MINPP1: variants seen among roughly 807,000 people sequenced by gnomAD.
The protein encoded by MINPP1 is multiple inositol-polyphosphate phosphatase 1, also known as multiple inositol polyphosphate phosphatase 1.
In MINPP1, 28 loss-of-function variants were observed where a neutral mutation model predicts 46.1. The ratio of observed to expected loss-of-function variants is 0.61; its 90% CI spans 0.45 to 0.83. The LOEUF is 0.83. MINPP1 is among the 40% of genes least tolerant of loss of function. The pLI is 0.00. For synonymous variants in MINPP1, 268 were observed against 249.1 expected (o/e 1.08, Z -0.72); for missense variants, 603 against 610.0 (o/e 0.99, Z 0.12).
chr10:87,542,177 G>T (rs1356265226), intron 4 of MINPP1, among the ~76,000 whole-genome samples: 1 of 152,164 alleles, frequency 6.6e-6, no homozygotes, highest in East Asian at 1.9e-4. Flanking sequence ...AGATACAGTG[G>T]TAGTACAGAC....
rs79846133 is a variant in MINPP1 at position 87,514,430 on chromosome 10, A to G, written c.933+1209A>G. On this transcript the variant is annotated intron_variant, in intron 3 of 4. Transcript: ENST00000371996. The stretch of plus-strand genomic sequence containing the variant: ...AGCTGTTTTTTGTTTGCTTTGTTTT[A>G]TAAGATTCAGGATCTAATAAGGGAT... Among the ~76,000 whole-genome samples, 1,423 of 152,228 alleles carry G rather than the reference A, an allele frequency of 9.3e-3. 27 individuals carry two copies. The highest frequency in any genetic ancestry group is 0.032 in the African/African-American group (1,329 of 41,516).
In MINPP1 at chr10:87,508,379, A is replaced by AT. The variant is rs1249046608; in HGVS notation, c.687dup (p.Asp230Ter). ...CAACAGTTAATGATAAACTAATGAGATTTTTTGATCACTGTGAGAAGTTTT... is the reference window on the plus strand; with the variant it reads ...CAACAGTTAATGATAAACTAATGAGATTTTTTTGATCACTGTGAGAAGTTTT... On this transcript the variant is annotated frameshift_variant, in exon 2 of 5. Coordinates refer to ENST00000371996, the MANE Select transcript of MINPP1 (RefSeq NM_004897.5). LOFTEE classifies it high-confidence loss of function. 7.4e-6 allele frequency: 12 copies of AT among 1,613,124 alleles called. No individual in the cohort carries two copies. The highest frequency in any genetic ancestry group is 1.1e-5 in the South Asian group (1 of 90,784).
intron 1 of MINPP1, among the ~76,000 whole-genome samples, chr10:87,506,020 C>CT (rs568866798): frequency 1.3e-3 from 182 of 142,940 alleles, no homozygotes; most frequent in East Asian, 2.0e-3. Context: ...TTCCTTCTTT[C>CT]TTTTTTTTTT....
At chr10:87,537,517 G>C (rs199698171) in intron 4 of MINPP1, among the ~76,000 whole-genome samples, 19,083 of 145,070 alleles carry the variant, frequency 0.13, 1,451 homozygotes, top group South Asian at 0.19. Flanking sequence ...CTGTTTGTGT[G>C]TGTGTGTGTG....
chr10:87,547,379 G>A (rs968648811), intron 4 of MINPP1, among the ~76,000 whole-genome samples: 1 of 151,912 alleles, frequency 6.6e-6, no homozygotes, highest in African/African-American at 2.4e-5. Flanking sequence ...CTAAGTGCTG[G>A]GATTACTTGA....
Position 87,505,670 on chromosome 10 carries a change from C to A in MINPP1, c.637+118C>A. On this transcript the variant is annotated intron_variant, in intron 1 of 4. Coordinates refer to ENST00000371996, the MANE Select transcript of MINPP1 (RefSeq NM_004897.5). The surrounding 1 kb of genome is among the most constrained non-coding windows in gnomAD (Gnocchi z 4.4). ...CCCCCAGTTCTCTTTCCTCTTTTCC[C>A]AAGCCATCATCCCTCGGGCTACGTC... 2.1e-6 allele frequency: 2 copies of A among 960,726 alleles called. No individual in the cohort carries two copies. Among genetic ancestry groups the A allele is most frequent in the Non-Finnish European group, 1.5e-6 (1 of 650,792 alleles). The allele number at this position is 960,726 out of a possible 1,614,324, so 59.5% of individuals were successfully genotyped here. A position where few individuals can be genotyped will look rare whatever the true frequency, so the allele number is the denominator to read the frequency against.
At chr10:87,513,043 C>A in intron 2 of MINPP1, 81 bp from the exon 3 acceptor site, 1 of 941,762 alleles carries the variant, frequency 1.1e-6, no homozygotes, top group Non-Finnish European at 1.8e-6. Context: ...CTGTACCACA[C>A]ATGGCATTCT....
intron 3 of MINPP1, 38 bp downstream of exon 3, chr10:87,513,259 A>C (rs1851362239): frequency 6.4e-7 from 1 of 1,557,018 alleles, no homozygotes; most frequent in Non-Finnish European, 8.8e-7. Context: ...CTTTTTTAAA[A>C]AAATTTTTTT....
At chr10:87,551,027 C>T (rs1486463652) in intron 4 of MINPP1, among the ~76,000 whole-genome samples, 1 of 152,204 alleles carries the variant, frequency 6.6e-6, no homozygotes, top group African/African-American at 2.4e-5. Context: ...TGCTCAGATG[C>T]TCTGTGGCTT....
chr10:87,522,248 A>G (rs973002501), intron 4 of MINPP1, among the ~76,000 whole-genome samples: 1 of 152,266 alleles, frequency 6.6e-6, no homozygotes, highest in South Asian at 2.1e-4. Context: ...TTTTTTTTAC[A>G]AGGCAACACC....
At chr10:87,537,094 G>A (rs1239724060) in intron 4 of MINPP1, among the ~76,000 whole-genome samples, 2 of 152,034 alleles carry the variant, frequency 1.3e-5, no homozygotes, top group East Asian at 1.9e-4. Flanking sequence ...GTGCCACCAC[G>A]CCCAGATAAT....
intron 3 of MINPP1, among the ~76,000 whole-genome samples, chr10:87,515,871 C>T (rs1851406922): frequency 6.9e-6 from 1 of 144,052 alleles, no homozygotes; most frequent in African/African-American, 2.6e-5. Flanking sequence ...CTCTGTCGCC[C>T]AGGCTGGAGT....
chr10:87,525,015 G>T (rs547066219), intron 4 of MINPP1, among the ~76,000 whole-genome samples: 1 of 152,004 alleles, frequency 6.6e-6, no homozygotes, highest in African/African-American at 2.4e-5. Context: ...AAATGAGCAC[G>T]TGCTGTTGGA....
chr10:87,524,473 C>T (rs984280183), intron 4 of MINPP1, among the ~76,000 whole-genome samples: 1 of 152,200 alleles, frequency 6.6e-6, no homozygotes, highest in African/African-American at 2.4e-5. Context: ...ACTTTCTTAT[C>T]ATCCATGTGT....
chr10:87,536,119 C>A (rs1247615019), intron 4 of MINPP1, among the ~76,000 whole-genome samples: 1 of 152,180 alleles, frequency 6.6e-6, no homozygotes, highest in East Asian at 1.9e-4. Flanking sequence ...AAATATACAG[C>A]GTTTTCCAGG....
At chr10:87,515,921 T>G (rs1851407888) in intron 3 of MINPP1, among the ~76,000 whole-genome samples, 1 of 151,034 alleles carries the variant, frequency 6.6e-6, no homozygotes, top group Non-Finnish European at 1.5e-5. Context: ...CTCTGCCTCT[T>G]GCGTTCAAGC....
At chr10:87,508,950 A>C (rs919565061) in intron 2 of MINPP1, among the ~76,000 whole-genome samples, 1 of 152,218 alleles carries the variant, frequency 6.6e-6, no homozygotes, top group East Asian at 1.9e-4. Context: ...AGTTTTAGAA[A>C]GTGAAAAGCA....
chr10:87,523,276 G>C (rs1214609400), intron 4 of MINPP1, among the ~76,000 whole-genome samples: 2 of 151,968 alleles, frequency 1.3e-5, no homozygotes, highest in African/African-American at 4.8e-5. Flanking sequence ...TCCATTAAAG[G>C]CATCACTGTC....
intron 4 of MINPP1, among the ~76,000 whole-genome samples, chr10:87,522,812 G>C (rs1453235813): frequency 6.6e-6 from 1 of 152,138 alleles, no homozygotes; most frequent in Non-Finnish European, 1.5e-5. Flanking sequence ...TTTCATGAAA[G>C]ATGTCTCTGT....
Sources: allele counts gnomAD v4.1 joint callset (sites outside exome capture counted in the v4.1 genomes callset), GRCh38; gene constraint gnomAD v4.1.1; non-coding constraint Gnocchi (gnomAD v3.1); transcripts MANE v1.5; gene names NCBI Gene and HGNC (gene_info 2026-07-23, HGNC 2026-07-21).